The following TEC variants were observed in gnomAD, a reference collection of about 807,000 sequenced individuals.
The protein encoded by TEC is tec protein tyrosine kinase, also known as tyrosine-protein kinase Tec.
Under a neutral mutation model 93.0 loss-of-function variants are expected in TEC, and 72 were observed. The observed-to-expected ratio is 0.77, with a 90% CI of 0.64 to 0.94. TEC has a LOEUF of 0.94. Among genes scored for constraint, TEC ranks in the 40% least tolerant of loss-of-function variants. TEC has a pLI of 0.00. For synonymous variants in TEC, 249 were observed against 247.7 expected (o/e 1.01, Z -0.05); for missense variants, 630 against 757.9 (o/e 0.83, Z 1.98).
intron 10 of TEC, 107 bp from the exon 11 acceptor site, chr4:48,149,797 C>A: frequency 9.3e-7 from 1 of 1,069,744 alleles, no homozygotes; most frequent in Non-Finnish European, 1.3e-6. Context: ...ATGATCCCAT[C>A]TATTCCTGGC....
rs139306078 is a variant in TEC at position 48,248,775 on chromosome 4, C to G, written c.-45-20116G>C. Among the ~76,000 whole-genome samples, 425 of 152,206 alleles carry G rather than the reference C, an allele frequency of 2.8e-3. 1 individual carries two copies. The highest frequency in any genetic ancestry group is 9.5e-3 in the African/African-American group (393 of 41,510). ...AGGTTCACACGCCTCCAGTACACAC[C>G]CCTTCTGGGGTGTATACTCATCAGG... On this transcript the variant is annotated intron_variant, in intron 1 of 17. Transcript: ENST00000381501.
At chr4:48,217,593 T>C (rs1723123631) in intron 2 of TEC, among the ~76,000 whole-genome samples, 1 of 152,194 alleles carries the variant, frequency 6.6e-6, no homozygotes, top group African/African-American at 2.4e-5. Flanking sequence ...TGAGTAGTCA[T>C]GAGATAGCTG....
chr4:48,182,632 G>A (rs1721639665), intron 2 of TEC, among the ~76,000 whole-genome samples: 1 of 151,160 alleles, frequency 6.6e-6, no homozygotes, highest in Non-Finnish European at 1.5e-5. Flanking sequence ...TTTATATATT[G>A]TAAACCAGCG....
intron 2 of TEC, among the ~76,000 whole-genome samples, chr4:48,213,905 C>G (rs1722990395): frequency 1.3e-5 from 2 of 152,132 alleles, no homozygotes; most frequent in Non-Finnish European, 2.9e-5. Context: ...ATCCTCTGAC[C>G]TCAGCCTCCT....
chr4:48,171,498 A>G, intron 3 of TEC, 49 bp from the exon 4 acceptor site: 1 of 1,474,750 alleles, frequency 6.8e-7, no homozygotes, highest in Non-Finnish European at 9.4e-7. Context: ...TAGACACAGC[A>G]CTTCTGTCTA....
At chr4:48,176,059 G>A in intron 3 of TEC, 23 bp downstream of exon 3, 1 of 1,578,320 alleles carries the variant, frequency 6.3e-7, no homozygotes, top group Admixed American at 1.7e-5. Context: ...GCACTGCACT[G>A]CCACAAAAAT....
At chr4:48,229,769 C>T (rs1723591506) in intron 1 of TEC, among the ~76,000 whole-genome samples, 1 of 150,522 alleles carries the variant, frequency 6.6e-6, no homozygotes, top group Non-Finnish European at 1.5e-5. Flanking sequence ...AGCAAGACTT[C>T]GTCTCAAAAA....
At chr4:48,176,004 A>T in intron 3 of TEC, 78 bp downstream of exon 3, 1 of 1,036,802 alleles carries the variant, frequency 9.6e-7, no homozygotes, top group Non-Finnish European at 1.4e-6. Context: ...CAGCAAAGCA[A>T]GGACAGGAAA....
rs17574371 is a variant in TEC, at chr4:48,145,292, T to C, written c.1257A>G (p.Lys419=). 580,989 of 1,613,626 alleles carry C rather than the reference T, an allele frequency of 0.36. 111,421 individuals carry two copies. The highest frequency in any genetic ancestry group is 0.4 in the Non-Finnish European group (468,988 of 1,179,732). ...GCTGCACTAACTTCGGGTGTGTCAGTTTCCTGGGAAGGAAGACATATATAT... is the reference window on the plus strand; with the variant it reads ...GCTGCACTAACTTCGGGTGTGTCAGCTTCCTGGGAAGGAAGACATATATAT... ...DFIEEAKVMM[K]LTHPKLVQLY... The change falls in exon 14 of 18, where the codon AAA becomes AAG. Residue 419 remains lysine (K), a synonymous_variant. Coordinates refer to ENST00000381501, the MANE Select transcript of TEC (RefSeq NM_003215.3).
intron 9 of TEC, among the ~76,000 whole-genome samples, chr4:48,152,475 A>C (rs1239785415): frequency 6.6e-6 from 1 of 151,198 alleles, no homozygotes; most frequent in Non-Finnish European, 1.5e-5. Flanking sequence ...TAAATAAATA[A>C]ATACAGTCTA....
intron 11 of TEC, among the ~76,000 whole-genome samples, chr4:48,148,152 TA>T (rs1182354758): frequency 1.3e-5 from 2 of 152,076 alleles, no homozygotes; most frequent in Non-Finnish European, 2.9e-5. Context: ...CAATGTTCTT[TA>T]AAAAAATTAG....
intron 2 of TEC, among the ~76,000 whole-genome samples, chr4:48,177,923 C>T (rs1231582400): frequency 6.6e-6 from 1 of 152,136 alleles, no homozygotes; most frequent in Non-Finnish European, 1.5e-5. Flanking sequence ...TTCCTTTTTG[C>T]CATGATTGTA....
intron 12 of TEC, 100 bp from the exon 13 acceptor site, chr4:48,145,679 T>G: frequency 1.6e-6 from 2 of 1,279,414 alleles, no homozygotes; most frequent in Non-Finnish European, 2.2e-6. Context: ...AACCTCAAAA[T>G]TACAGGATAA....
intron 1 of TEC, among the ~76,000 whole-genome samples, chr4:48,235,605 G>A (rs191307023): frequency 2.4e-4 from 36 of 152,320 alleles, no homozygotes; most frequent in African/African-American, 6.0e-4. Flanking sequence ...GGAGGAGGCT[G>A]AGGGTAGATT....
intron 2 of TEC, 95 bp downstream of exon 2, chr4:48,228,382 C>T: frequency 7.4e-7 from 1 of 1,347,058 alleles, no homozygotes; most frequent in Non-Finnish European, 9.8e-7. Context: ...ACTTCATTAA[C>T]CCAAAGCATT....
rs868336482 is a variant in TEC at position 48,179,378 on chromosome 4, T to A, written c.139-3192A>T. 1.0e-2 allele frequency among the ~76,000 whole-genome samples: 642 copies of A among 64,500 alleles called. 4 individuals carry two copies. Among genetic ancestry groups the A allele is most frequent in the African/African-American group, 0.03 (409 of 13,758 alleles). 42.3% of individuals were successfully genotyped at this position (64,500 alleles called of 152,430 possible). A position where few individuals can be genotyped will look rare whatever the true frequency, so the allele number is the denominator to read the frequency against. ...TATATATATATATATATATATATAT[T>A]TTTTTTTTTTTTTTTTTTTTTTCAA... is the stretch of plus-strand genomic sequence containing the variant. On this transcript the variant is annotated intron_variant, in intron 2 of 17. Transcript: ENST00000381501.
chr4:48,139,131 C>T, intron 15 of TEC, 109 bp from the exon 16 acceptor site: 1 of 913,232 alleles, frequency 1.1e-6, no homozygotes, highest in Non-Finnish European at 1.7e-6. Flanking sequence ...GACTGAAGTC[C>T]AACAAGCATC....
intron 2 of TEC, among the ~76,000 whole-genome samples, chr4:48,190,489 A>G (rs1722054990): frequency 1.3e-5 from 2 of 152,224 alleles, no homozygotes; most frequent in Non-Finnish European, 2.9e-5. Context: ...CAAGAACCAA[A>G]GAAATATGGG....
chr4:48,243,599 A>G (rs1242912936), intron 1 of TEC, among the ~76,000 whole-genome samples: 1 of 152,242 alleles, frequency 6.6e-6, no homozygotes, highest in African/African-American at 2.4e-5. Flanking sequence ...AAAATAAAAC[A>G]TAAAACATGG....
Sources: gnomAD v4.1 joint callset for allele counts (sites outside exome capture counted in the v4.1 genomes callset) on GRCh38, gnomAD v4.1.1 for gene constraint, MANE v1.5 for transcripts, NCBI Gene and HGNC (gene_info 2026-07-23, HGNC 2026-07-21) for gene names.